Variants in WDR7 observed in about 807,000 individuals in gnomAD.
WDR7 encodes the protein WD repeat-containing protein 7.
WDR7 carries 46 observed loss-of-function variants against 169.4 expected under a neutral mutation model. That is an observed-to-expected ratio of 0.27 (90% CI 0.21 to 0.35). WDR7 has a LOEUF of 0.35. Among genes scored for constraint, WDR7 ranks in the 10% least tolerant of loss-of-function variants. The pLI is 1.00. For missense variants in WDR7, 1,534 were observed against 1,859.3 expected, an observed-to-expected ratio of 0.83 and a Z score of 3.22; for synonymous variants, 612 against 666.8, an observed-to-expected ratio of 0.92 and a Z score of 1.27.
intron 12 of WDR7, among the ~76,000 whole-genome samples, chr18:56,712,246 C>T (rs886146951): frequency 2.6e-5 from 4 of 152,142 alleles, no homozygotes; most frequent in African/African-American, 9.7e-5. Context: ...TGCTTAGGAA[C>T]AGGTTACATA....
intron 14 of WDR7, among the ~76,000 whole-genome samples, chr18:56,732,784 G>A (rs78508853): frequency 0.013 from 1,922 of 152,210 alleles, 54 homozygotes; most frequent in African/African-American, 0.045. Context: ...TACTTCCAAG[G>A]AATCTTGTAG....
chr18:57,024,097 C>T (rs1293859559), intron 27 of WDR7, among the ~76,000 whole-genome samples: 1 of 152,164 alleles, frequency 6.6e-6, no homozygotes, highest in Non-Finnish European at 1.5e-5. Context: ...AAAATTTTAA[C>T]AGTGACTGTC....
At chr18:56,801,900 C>T (rs1213523548) in intron 19 of WDR7, among the ~76,000 whole-genome samples, 2 of 152,098 alleles carry the variant, frequency 1.3e-5, no homozygotes, top group African/African-American at 2.4e-5. Flanking sequence ...ATGAATGAAG[C>T]TCCAGTAGCT....
At chr18:57,030,802 A>G (rs1247678680), downstream of WDR7, 2 of 152,198 alleles carry the variant, frequency 1.3e-5, no homozygotes, top group African/African-American at 2.4e-5. Flanking sequence ...GAGATCGTCA[A>G]TACATACAAA....
chr18:56,999,859 C>G (rs1211550177), intron 26 of WDR7, among the ~76,000 whole-genome samples: 1 of 152,032 alleles, frequency 6.6e-6, no homozygotes, highest in Non-Finnish European at 1.5e-5. Flanking sequence ...AACGGACCAC[C>G]CAAGGCCTTG....
intron 20 of WDR7, among the ~76,000 whole-genome samples, chr18:56,840,859 A>G (rs2045475059): frequency 1.3e-5 from 2 of 151,972 alleles, no homozygotes; most frequent in Admixed American, 6.6e-5. Flanking sequence ...CCACATTTCT[A>G]CAATTTTGTT....
At chr18:56,728,574 G>A (rs569055443) in intron 13 of WDR7, among the ~76,000 whole-genome samples, 61 of 152,098 alleles carry the variant, frequency 4.0e-4, no homozygotes, top group Admixed American at 1.1e-3. Context: ...TTGGGATCTA[G>A]CACCCTGTGC....
intron 14 of WDR7, among the ~76,000 whole-genome samples, chr18:56,738,339 G>A (rs1471830674): frequency 6.6e-6 from 1 of 152,162 alleles, no homozygotes; most frequent in African/African-American, 2.4e-5. Context: ...GGAGGCCGAG[G>A]TAGGCGGATC....
intron 1 of WDR7, among the ~76,000 whole-genome samples, chr18:56,660,801 G>A (rs1453525788): frequency 6.6e-6 from 1 of 152,182 alleles, no homozygotes; most frequent in Admixed American, 6.6e-5. Flanking sequence ...TCAAATTGCT[G>A]GTAGGTCAAG....
intron 12 of WDR7, among the ~76,000 whole-genome samples, chr18:56,709,859 T>A (rs1165710370): frequency 6.6e-6 from 1 of 152,100 alleles, no homozygotes; most frequent in Non-Finnish European, 1.5e-5. Context: ...TACTTGCTCT[T>A]TAAAAATGTG....
chr18:56,693,588 T>TTA (rs2025628167), intron 9 of WDR7, among the ~76,000 whole-genome samples: 1 of 144,398 alleles, frequency 6.9e-6, no homozygotes, highest in South Asian at 2.3e-4. Flanking sequence ...TTTTTTTTTT[T>TTA]TGAGATGGAG....
intron 21 of WDR7, among the ~76,000 whole-genome samples, chr18:56,918,250 C>G (rs938925633): frequency 6.6e-6 from 1 of 152,116 alleles, no homozygotes; most frequent in Non-Finnish European, 1.5e-5. Flanking sequence ...TTGAAGATGG[C>G]CCCAGATTGA....
intron 19 of WDR7, among the ~76,000 whole-genome samples, chr18:56,814,203 C>T (rs2044925105): frequency 6.6e-6 from 1 of 152,134 alleles, no homozygotes; most frequent in African/African-American, 2.4e-5. Context: ...AAACTTGTTA[C>T]TACATAAATG....
At chr18:56,768,425 A>G (rs2044101123) in intron 16 of WDR7, among the ~76,000 whole-genome samples, 2 of 152,204 alleles carry the variant, frequency 1.3e-5, no homozygotes, top group African/African-American at 4.8e-5. Context: ...TTTAATATTG[A>G]AATAAATATA....
At chr18:57,021,379 C>A (rs1211919807) in intron 27 of WDR7, among the ~76,000 whole-genome samples, 3 of 152,122 alleles carry the variant, frequency 2.0e-5, no homozygotes, top group African/African-American at 7.2e-5. Flanking sequence ...ACACTTGGTC[C>A]CTGGGTCTGT....
intron 14 of WDR7, among the ~76,000 whole-genome samples, chr18:56,748,087 A>T (rs2043733125): frequency 6.6e-6 from 1 of 152,108 alleles, no homozygotes. Flanking sequence ...CTTGGTGTAA[A>T]CTATGTTCAC....
intron 20 of WDR7, among the ~76,000 whole-genome samples, chr18:56,829,295 A>G (rs1459901833): frequency 6.6e-6 from 1 of 150,826 alleles, no homozygotes; most frequent in Admixed American, 6.6e-5. Flanking sequence ...ACCTCCCCCT[A>G]CCACACACAC....
At chr18:56,917,215 G>A (rs932744044) in intron 21 of WDR7, among the ~76,000 whole-genome samples, 11 of 151,844 alleles carry the variant, frequency 7.2e-5, no homozygotes, top group Admixed American at 6.6e-4. Context: ...AAAATTCCGC[G>A]TTCTGTGTGT....
Position 56,838,520 on chromosome 18 carries a change from A to G in WDR7, c.3304+22376A>G, listed in dbSNP as rs934562707. 7.9e-5 allele frequency among the ~76,000 whole-genome samples: 12 copies of G among 152,328 alleles called. 1 individual carries two copies. In the South Asian group the frequency reaches 1.4e-3, roughly 18 times the overall value. ...AATTTGTACATTTTATATCTATTTAATTTTGATCCTGGGACACCCAAGAAT... is the reference window on the plus strand; with the variant it reads ...AATTTGTACATTTTATATCTATTTAGTTTTGATCCTGGGACACCCAAGAAT... On this transcript the variant is annotated intron_variant, in intron 20 of 27. Transcript: ENST00000254442.
Sources: gnomAD v4.1 joint callset for allele counts (sites outside exome capture counted in the v4.1 genomes callset) on GRCh38, gnomAD v4.1.1 for gene constraint, MANE v1.5 for transcripts, NCBI Gene and HGNC (gene_info 2026-07-23, HGNC 2026-07-21) for gene names.